Variants in KIT observed in about 807,000 individuals in gnomAD.
KIT encodes mast/stem cell growth factor receptor Kit.
In KIT, 16 loss-of-function variants were observed where a neutral mutation model predicts 105.7. That is an observed-to-expected ratio of 0.15 (90% CI 0.10 to 0.23). KIT has a LOEUF of 0.23. Ranked by LOEUF, KIT falls within the 10% of genes least tolerant of loss-of-function variation. The pLI is 1.00. For synonymous variants in KIT, 438 were observed against 441.1 expected (o/e 0.99, Z 0.09); for missense variants, 858 against 1,213.8 (o/e 0.71, Z 4.36).
intron 4 of KIT, among the ~76,000 whole-genome samples, chr4:54,702,354 AC>A (rs1453458259): frequency 6.6e-6 from 1 of 152,126 alleles, no homozygotes; most frequent in African/African-American, 2.4e-5. Context: ...AATGTAATTA[AC>A]ATAAAAATTA....
Position 54,733,942 on chromosome 4 carries a change from T to C in KIT, c.2484+750T>C, listed in dbSNP as rs1722764225. Reference sequence around the variant, plus strand: ...TGTCTTCCTGGGCCCATTTCTGCAGTCCAGATTTATTCCTGGAGGTGGATT... The same window carrying C: ...TGTCTTCCTGGGCCCATTTCTGCAGCCCAGATTTATTCCTGGAGGTGGATT... On this transcript the variant is annotated intron_variant, in intron 17 of 20. Transcript: ENST00000288135. Among the ~76,000 whole-genome samples the C allele has an allele frequency of 1.3e-5, 2 of 152,110 alleles. 1 individual carries two copies. The highest frequency in any genetic ancestry group is 1.3e-4 in the Admixed American group (2 of 15,252).
chr4:54,723,113 A>T (rs1284030009), intron 7 of KIT, among the ~76,000 whole-genome samples: 1 of 152,120 alleles, frequency 6.6e-6, no homozygotes, highest in Non-Finnish European at 1.5e-5. Context: ...ATGTAAGAGC[A>T]AAAGAGTGGG....
chr4:54,678,448 C>A (rs890396673), intron 1 of KIT, among the ~76,000 whole-genome samples: 1 of 149,766 alleles, frequency 6.7e-6, no homozygotes, highest in African/African-American at 2.5e-5. Context: ...TTCTTGCTGT[C>A]AAGTGCAGTA....
At chr4:54,714,223 GT>G (rs1721325737) in intron 7 of KIT, among the ~76,000 whole-genome samples, 1 of 152,096 alleles carries the variant, frequency 6.6e-6, no homozygotes, top group Admixed American at 6.6e-5. Context: ...TTACCTCAAA[GT>G]GCTTTCTTAA....
In KIT at chr4:54,727,409, C is replaced by T. The variant is rs2109775364; in HGVS notation, c.1648-7C>T. The T allele has an allele frequency of 1.2e-6, 2 of 1,614,092 alleles. No individual in the cohort carries two copies. The highest frequency in any genetic ancestry group is 1.7e-6 in the Non-Finnish European group (2 of 1,179,986). ...AAGGTGATCTATTTTTCCCTTTCTCCCCACAGAAACCCATGTATGAAGTAC... is the reference window on the plus strand; with the variant it reads ...AAGGTGATCTATTTTTCCCTTTCTCTCCACAGAAACCCATGTATGAAGTAC... On this transcript the variant is annotated splice_polypyrimidine_tract_variant and splice_region_variant and intron_variant, in intron 10 of 20. Coordinates refer to ENST00000288135, the MANE Select transcript of KIT (RefSeq NM_000222.3).
intron 1 of KIT, among the ~76,000 whole-genome samples, chr4:54,672,132 G>A (rs1428107839): frequency 2.0e-5 from 3 of 152,198 alleles, no homozygotes; most frequent in Non-Finnish European, 4.4e-5. Flanking sequence ...GTAATTGGTT[G>A]ATATGTCCTT....
At chr4:54,710,015 G>A (rs1430641181) in intron 7 of KIT, among the ~76,000 whole-genome samples, 1 of 152,188 alleles carries the variant, frequency 6.6e-6, no homozygotes, top group Non-Finnish European at 1.5e-5. Context: ...AATACTGACA[G>A]GCCCATGGCT....
intron 7 of KIT, 167 bp downstream of exon 7, chr4:54,709,706 C>G (rs1288407313): frequency 1.5e-6 from 1 of 683,454 alleles, no homozygotes; most frequent in East Asian, 2.8e-5. Context: ...TGTCAAAAAA[C>G]CAGTTCCTTG....
chr4:54,727,985 G>T (rs1280171859), intron 12 of KIT, 26 bp from the exon 13 acceptor site: 9 of 1,612,764 alleles, frequency 5.6e-6, no homozygotes, highest in Non-Finnish European at 7.6e-6. Flanking sequence ...TGTGCTTTTT[G>T]CTAAAATGCA....
chr4:54,660,253 C>T (rs571034502), intron 1 of KIT, among the ~76,000 whole-genome samples: 1 of 152,206 alleles, frequency 6.6e-6, no homozygotes, highest in Non-Finnish European at 1.5e-5. Context: ...CCCTTCAATT[C>T]CCATATATTC....
At chr4:54,673,880 G>T (rs781157844) in intron 1 of KIT, among the ~76,000 whole-genome samples, 3 of 151,860 alleles carry the variant, frequency 2.0e-5, no homozygotes, top group Non-Finnish European at 2.9e-5. Flanking sequence ...AGTGATTCTC[G>T]TGCCTCAGCC....
chr4:54,722,059 C>T (rs895186861), intron 7 of KIT, among the ~76,000 whole-genome samples: 1 of 152,098 alleles, frequency 6.6e-6, no homozygotes, highest in Non-Finnish European at 1.5e-5. Context: ...CAGTGGTGCT[C>T]ACTGCAACCT....
intron 1 of KIT, among the ~76,000 whole-genome samples, chr4:54,678,119 T>C (rs554621607): frequency 2.0e-5 from 3 of 152,336 alleles, no homozygotes; most frequent in African/African-American, 7.2e-5. Flanking sequence ...GGAAAAATTA[T>C]AAACACAATT....
intron 1 of KIT, among the ~76,000 whole-genome samples, chr4:54,669,543 C>T (rs1377513799): frequency 6.6e-6 from 1 of 152,002 alleles, no homozygotes; most frequent in African/African-American, 2.4e-5. Context: ...TTTAATCTGC[C>T]CTTATACCAG....
chr4:54,701,390 A>G (rs527296787), intron 4 of KIT, among the ~76,000 whole-genome samples: 17 of 151,258 alleles, frequency 1.1e-4, no homozygotes, highest in Admixed American at 7.9e-4. Context: ...AAAAATCCAT[A>G]ATATTTTATT....
intron 1 of KIT, among the ~76,000 whole-genome samples, chr4:54,666,048 C>T (rs1448704768): frequency 2.0e-5 from 3 of 152,050 alleles, no homozygotes; most frequent in Non-Finnish European, 4.4e-5. Context: ...AATGGCCATA[C>T]TGGGTATAGA....
intron 1 of KIT, among the ~76,000 whole-genome samples, chr4:54,677,626 T>C (rs1165164730): frequency 6.6e-6 from 1 of 152,180 alleles, no homozygotes; most frequent in Non-Finnish European, 1.5e-5. Context: ...TTGTGGGTTG[T>C]GTTTCTTCCC....
In KIT at chr4:54,667,655, G is replaced by A. The variant is rs540657648; in HGVS notation, c.67+9574G>A. On this transcript the variant is annotated intron_variant, in intron 1 of 20. Coordinates refer to ENST00000288135, the MANE Select transcript of KIT (RefSeq NM_000222.3). ...CGACAGAACGTCTGTAGAGAGTAGCGGAAGATGAGATGGGATAATTTTTAG... is the reference window on the plus strand; with the variant it reads ...CGACAGAACGTCTGTAGAGAGTAGCAGAAGATGAGATGGGATAATTTTTAG... 2.6e-5 allele frequency among the ~76,000 whole-genome samples: 4 copies of A among 152,186 alleles called. 1 individual carries two copies. The highest frequency in any genetic ancestry group is 4.1e-4 in the South Asian group (2 of 4,832).
chr4:54,736,159 G>A (rs996148804), intron 17 of KIT, among the ~76,000 whole-genome samples: 5 of 152,128 alleles, frequency 3.3e-5, no homozygotes, highest in African/African-American at 1.2e-4. Flanking sequence ...GGAAGGAGAG[G>A]GACATATTCA....
Sources: allele counts gnomAD v4.1 joint callset (sites outside exome capture counted in the v4.1 genomes callset), GRCh38; gene constraint gnomAD v4.1.1; transcripts MANE v1.5; gene names NCBI Gene and HGNC (gene_info 2026-07-23, HGNC 2026-07-21).